Variants in PDE1A observed in about 807,000 individuals in gnomAD.
PDE1A encodes the protein dual specificity calcium/calmodulin-dependent 3',5'-cyclic nucleotide phosphodiesterase 1A.
PDE1A carries 35 observed loss-of-function variants against 61.7 expected under a neutral mutation model. The observed-to-expected ratio is 0.57, with a 90% CI of 0.43 to 0.75. PDE1A has a LOEUF of 0.75. PDE1A is among the 30% of genes least tolerant of loss of function. The pLI is 0.00. For missense variants in PDE1A, 597 were observed against 630.6 expected, an observed-to-expected ratio of 0.95 and a Z score of 0.57; for synonymous variants, 232 against 213.2, an observed-to-expected ratio of 1.09 and a Z score of -0.77.
chr2:182,553,979 A>C, the PDE1A span, among the ~76,000 whole-genome samples: 1 of 152,214 alleles, frequency 6.6e-6, no homozygotes, highest in Non-Finnish European at 1.5e-5. Context: ...CTGACAATGG[A>C]AATCATCACA....
intron 1 of PDE1A, among the ~76,000 whole-genome samples, chr2:182,274,280 A>G (rs1350272676): frequency 6.6e-6 from 1 of 152,144 alleles, no homozygotes; most frequent in Non-Finnish European, 1.5e-5. Flanking sequence ...AGTACCATGT[A>G]CCGACACACT....
At chr2:182,663,383 T>C in the PDE1A span, among the ~76,000 whole-genome samples, 1 of 152,210 alleles carries the variant, frequency 6.6e-6, no homozygotes, top group Non-Finnish European at 1.5e-5. Flanking sequence ...CAATTGTTCA[T>C]TGCAGCACTA....
At chr2:182,590,691 A>G in the PDE1A span, among the ~76,000 whole-genome samples, 2 of 152,168 alleles carry the variant, frequency 1.3e-5, no homozygotes, top group Non-Finnish European at 2.9e-5. Flanking sequence ...TAGATGTTCT[A>G]ACTGATGAAC....
intron 1 of PDE1A, among the ~76,000 whole-genome samples, chr2:182,278,094 T>C (rs1162282692): frequency 6.6e-6 from 1 of 152,044 alleles, no homozygotes; most frequent in Non-Finnish European, 1.5e-5. Context: ...AAAACATATT[T>C]AATATAGTGA....
the PDE1A span, among the ~76,000 whole-genome samples, chr2:182,681,612 A>G: frequency 6.6e-6 from 1 of 150,886 alleles, no homozygotes; most frequent in African/African-American, 2.4e-5. Context: ...GGATTTGTCA[A>G]TATCTACTTA....
chr2:182,504,951 A>G (rs1689306236), intron 2 of PDE1A, among the ~76,000 whole-genome samples: 1 of 152,218 alleles, frequency 6.6e-6, no homozygotes, highest in Non-Finnish European at 1.5e-5. Context: ...CCATGCGAAG[A>G]GTCTTCAACT....
chr2:182,396,993 TC>T (rs1200702615), intron 1 of PDE1A, among the ~76,000 whole-genome samples: 1 of 152,192 alleles, frequency 6.6e-6, no homozygotes, highest in Non-Finnish European at 1.5e-5. Flanking sequence ...TGTGGGTATT[TC>T]CCTTTTAAGT....
chr2:182,337,603 T>A (rs1333124634), intron 1 of PDE1A, among the ~76,000 whole-genome samples: 1 of 152,214 alleles, frequency 6.6e-6, no homozygotes, highest in Admixed American at 6.5e-5. Flanking sequence ...TACTTTCAGA[T>A]GCCAGAGCAC....
rs574151252 is a variant in PDE1A at position 182,479,523 on chromosome 2, G to T, written c.101+42753C>A. Among the ~76,000 whole-genome samples, 29 of 151,854 alleles carry T rather than the reference G, an allele frequency of 1.9e-4. No homozygotes were observed. The South Asian group carries it at 4.6e-3, about 24-fold the overall frequency. Reference sequence around the variant, plus strand: ...GGAAGAAAGGCAGGCAGGCAAGAAGGAAGGGAGGAAGGAAGACAGGCAGGA... The same window carrying T: ...GGAAGAAAGGCAGGCAGGCAAGAAGTAAGGGAGGAAGGAAGACAGGCAGGA... On this transcript the variant is annotated intron_variant, in intron 2 of 14. Transcript: ENST00000410103.
intron 1 of PDE1A, among the ~76,000 whole-genome samples, chr2:182,417,304 T>TTCTGTCAC (rs1175769147): frequency 1.3e-5 from 2 of 152,248 alleles, no homozygotes; most frequent in Non-Finnish European, 2.9e-5. Flanking sequence ...TTTTCCCTTC[T>TTCTGTCAC]TCTGTCACTG....
chr2:182,562,920 A>G, the PDE1A span, among the ~76,000 whole-genome samples: 1 of 151,898 alleles, frequency 6.6e-6, no homozygotes, highest in Non-Finnish European at 1.5e-5. Flanking sequence ...ATCATTTTTT[A>G]TTGTGTCTAT....
chr2:182,150,131 T>C lies in PDE1A; in HGVS notation c.1517-2979A>G, dbSNP rs372076091. 3.3e-5 allele frequency among the ~76,000 whole-genome samples: 5 copies of C among 152,126 alleles called. No individual in the cohort carries two copies. The East Asian group carries it at 9.6e-4, about 29-fold the overall frequency. On this transcript the variant is annotated intron_variant, in intron 13 of 13. Coordinates refer to the PDE1A transcript ENST00000409365. ...ATAATAGGTATATAATAAATAGATA[T>C]ATAGTTCTATTGATGACAAAAATAC...
At chr2:182,551,796 G>GTCCA in the PDE1A span, among the ~76,000 whole-genome samples, 1 of 152,294 alleles carries the variant, frequency 6.6e-6, no homozygotes, top group East Asian at 1.9e-4. Context: ...TAAGGAGTGA[G>GTCCA]GATTGGCAAC....
chr2:182,547,463 T>G, the PDE1A span, among the ~76,000 whole-genome samples: 1 of 152,232 alleles, frequency 6.6e-6, no homozygotes, highest in Admixed American at 6.5e-5. Context: ...ATGAAAAGAC[T>G]CCAGACGGGA....
At chr2:182,617,401 A>G in the PDE1A span, among the ~76,000 whole-genome samples, 1 of 152,260 alleles carries the variant, frequency 6.6e-6, no homozygotes, top group South Asian at 2.1e-4. Flanking sequence ...TCATGCCTGG[A>G]TTTCTCCTGG....
At chr2:182,608,182 C>T in the PDE1A span, among the ~76,000 whole-genome samples, 81,877 of 152,088 alleles carry the variant, frequency 0.54, 22,591 homozygotes, top group Admixed American at 0.66. Flanking sequence ...GTGGGGGTTG[C>T]GGGGTTATAG....
At chr2:182,572,469 G>A in the PDE1A span, among the ~76,000 whole-genome samples, 1 of 152,130 alleles carries the variant, frequency 6.6e-6, no homozygotes, top group African/African-American at 2.4e-5. Flanking sequence ...CTATAAACCA[G>A]TTTAGAAAAG....
At chr2:182,218,796 C>T (rs958398514) in intron 7 of PDE1A, among the ~76,000 whole-genome samples, 4 of 152,082 alleles carry the variant, frequency 2.6e-5, no homozygotes, top group Non-Finnish European at 1.5e-5. Flanking sequence ...GCCAGACTTG[C>T]ATACCTGGGA....
intron 1 of PDE1A, among the ~76,000 whole-genome samples, chr2:182,339,729 G>A (rs1480316542): frequency 6.6e-6 from 1 of 152,104 alleles, no homozygotes; most frequent in Non-Finnish European, 1.5e-5. Context: ...TATGACAGTG[G>A]TTCCAAAACC....
Sources: gnomAD v4.1 joint callset for allele counts (sites outside exome capture counted in the v4.1 genomes callset) on GRCh38, gnomAD v4.1.1 for gene constraint, MANE v1.5 for transcripts, NCBI Gene and HGNC (gene_info 2026-07-23, HGNC 2026-07-21) for gene names.